EXOC4: variants seen among roughly 807,000 people sequenced by gnomAD.
EXOC4 encodes exocyst complex component 4, also known as SEC8-like 1.
EXOC4 carries 71 observed loss-of-function variants against 107.2 expected under a neutral mutation model. The ratio of observed to expected loss-of-function variants is 0.66; its 90% CI spans 0.55 to 0.81. The LOEUF (loss-of-function observed/expected upper bound fraction) is 0.81, where lower values mean the gene tolerates loss of function less well. EXOC4 is among the 30% of genes least tolerant of loss of function. EXOC4 has a pLI of 0.00. For synonymous variants in EXOC4, 456 were observed against 441.2 expected (o/e 1.03, Z -0.42); for missense variants, 1,108 against 1,189.6 (o/e 0.93, Z 1.01).
chr7:133,281,981 G>A (rs1322891498), intron 2 of EXOC4, among the ~76,000 whole-genome samples: 1 of 152,104 alleles, frequency 6.6e-6, no homozygotes, highest in Non-Finnish European at 1.5e-5. Flanking sequence ...GGGATTACAG[G>A]CGAGAGCGAT....
At chr7:133,664,706 C>T (rs571586444) in intron 10 of EXOC4, among the ~76,000 whole-genome samples, 1 of 152,244 alleles carries the variant, frequency 6.6e-6, no homozygotes, top group South Asian at 2.1e-4. Flanking sequence ...GAAGATAAAT[C>T]TATGCAGAAT....
At chr7:133,598,051 C>A (rs1173251740) in intron 9 of EXOC4, among the ~76,000 whole-genome samples, 1 of 151,976 alleles carries the variant, frequency 6.6e-6, no homozygotes, top group Non-Finnish European at 1.5e-5. Flanking sequence ...TGACAAAAAC[C>A]TCAATTACTT....
chr7:133,922,951 G>C (rs1359691618), intron 13 of EXOC4, among the ~76,000 whole-genome samples: 1 of 151,068 alleles, frequency 6.6e-6, no homozygotes, highest in Non-Finnish European at 1.5e-5. Context: ...TGGGCTCTTG[G>C]AACTATTTCA....
At chr7:133,778,488 GC>G (rs1485710744) in intron 10 of EXOC4, among the ~76,000 whole-genome samples, 1 of 152,194 alleles carries the variant, frequency 6.6e-6, no homozygotes, top group Non-Finnish European at 1.5e-5. Flanking sequence ...GAAGGTTGAG[GC>G]GGGAGGATGG....
intron 9 of EXOC4, among the ~76,000 whole-genome samples, chr7:133,574,633 T>C (rs977306424): frequency 5.3e-5 from 8 of 152,190 alleles, no homozygotes; most frequent in Non-Finnish European, 8.8e-5. Context: ...ATCTGTTCTT[T>C]ACACGAATGA....
chr7:133,462,275 G>C (rs1344154915), intron 7 of EXOC4, among the ~76,000 whole-genome samples: 1 of 152,146 alleles, frequency 6.6e-6, no homozygotes, highest in African/African-American at 2.4e-5. Flanking sequence ...CAGGTTCCCT[G>C]TAACCTCAAC....
chr7:133,650,502 A>G (rs781734658), intron 10 of EXOC4, among the ~76,000 whole-genome samples: 32 of 152,160 alleles, frequency 2.1e-4, no homozygotes, highest in Non-Finnish European at 3.8e-4. Flanking sequence ...TTTTAAATAA[A>G]AAAAGCCAGA....
intron 14 of EXOC4, among the ~76,000 whole-genome samples, chr7:133,991,372 G>A (rs1430583436): frequency 6.6e-6 from 1 of 151,208 alleles, no homozygotes; most frequent in Admixed American, 6.6e-5. Flanking sequence ...TATATACTTT[G>A]AAAATAATTT....
At chr7:133,495,267 A>T (rs1799450941) in intron 9 of EXOC4, among the ~76,000 whole-genome samples, 1 of 151,894 alleles carries the variant, frequency 6.6e-6, no homozygotes, top group African/African-American at 2.4e-5. Context: ...AAAAAAAAAA[A>T]TTGTGCGTAA....
At chr7:133,849,982 T>G (rs1323503391) in intron 11 of EXOC4, among the ~76,000 whole-genome samples, 1 of 152,178 alleles carries the variant, frequency 6.6e-6, no homozygotes, top group East Asian at 1.9e-4. Context: ...TCCAAGTAAG[T>G]GTATCTGAGT....
At position 133,495,074 on chromosome 7, in the gene EXOC4, CCA is replaced by C. The variant is rs550977090; in HGVS notation, c.1417+14937_1417+14938del. 4.8e-3 allele frequency among the ~76,000 whole-genome samples: 726 copies of C among 152,102 alleles called. 4 individuals are homozygous for C. The highest frequency in any genetic ancestry group is 0.017 in the Middle Eastern group (5 of 292). ...ATCACGTGAGATCAGGAGTTCGAGA[CCA>C]ACCTGGCCAACATGGTGAATATAAA... On this transcript the variant is annotated intron_variant, in intron 9 of 17. Transcript: ENST00000253861.
At chr7:133,471,758 T>C (rs1798885125) in intron 7 of EXOC4, among the ~76,000 whole-genome samples, 1 of 152,192 alleles carries the variant, frequency 6.6e-6, no homozygotes, top group Non-Finnish European at 1.5e-5. Flanking sequence ...GATTTGCTGG[T>C]CTGTTGCATG....
At chr7:133,478,188 G>A (rs1023970118) in intron 8 of EXOC4, among the ~76,000 whole-genome samples, 1 of 142,442 alleles carries the variant, frequency 7.0e-6, no homozygotes, top group Non-Finnish European at 1.5e-5. Flanking sequence ...TGGAATCATT[G>A]CAGAAAACAG....
rs1585099078 is a variant in EXOC4, at chr7:133,716,766, C to A, written c.1514+86625C>A. Among the ~76,000 whole-genome samples, 3 of 152,166 alleles carry A rather than the reference C, an allele frequency of 2.0e-5. No individual in the cohort carries two copies. The South Asian group carries it at 6.2e-4, about 32-fold the overall frequency. On this transcript the variant is annotated intron_variant, in intron 10 of 17. Transcript: ENST00000253861. ...GACCATCCTGGCCAATATGGTGAAA[C>A]CTCGTCTTTACTAAAATACAAAAAT...
At chr7:133,598,940 C>T (rs576579289) in intron 9 of EXOC4, among the ~76,000 whole-genome samples, 19 of 152,102 alleles carry the variant, frequency 1.2e-4, no homozygotes, top group East Asian at 1.9e-4. Flanking sequence ...GCCAAGATCG[C>T]GCCACTGCAT....
At chr7:133,742,981 T>G (rs2151130288) in intron 10 of EXOC4, among the ~76,000 whole-genome samples, 1 of 152,314 alleles carries the variant, frequency 6.6e-6, no homozygotes, top group South Asian at 2.1e-4. Context: ...AGATTCTTGC[T>G]GTGTAGGTGC....
At chr7:133,634,915 T>C (rs572810132) in intron 10 of EXOC4, among the ~76,000 whole-genome samples, 5 of 152,300 alleles carry the variant, frequency 3.3e-5, no homozygotes, top group African/African-American at 9.6e-5. Context: ...GAAAATGATA[T>C]AACTGATGCC....
chr7:133,281,216 G>T (rs941472148), intron 2 of EXOC4, among the ~76,000 whole-genome samples: 3 of 151,896 alleles, frequency 2.0e-5, no homozygotes, highest in Admixed American at 6.6e-5. Flanking sequence ...TCCAAGGTTC[G>T]TTCTTTCCAG....
In EXOC4 at chr7:133,624,460, C is replaced by G. The variant is rs894179160; in HGVS notation, c.1418-5585C>G. Among the ~76,000 whole-genome samples the G allele has an allele frequency of 3.3e-5, 5 of 152,214 alleles. No individual in the cohort carries two copies. In the East Asian group the frequency reaches 9.7e-4, roughly 29 times the overall value. On this transcript the variant is annotated intron_variant, in intron 9 of 17. Coordinates refer to ENST00000253861, the MANE Select transcript of EXOC4 (RefSeq NM_021807.4). ...GAACCAGGTATGGTGGTGTGCACCT[C>G]TAGTCTTAGCTGCTCAGGAGCTTGA... is the stretch of plus-strand genomic sequence containing the variant.
Sources: allele counts gnomAD v4.1 joint callset (sites outside exome capture counted in the v4.1 genomes callset), GRCh38; gene constraint gnomAD v4.1.1; transcripts MANE v1.5; gene names NCBI Gene and HGNC (gene_info 2026-07-23, HGNC 2026-07-21).